Variants in HS6ST3 observed in about 807,000 individuals in gnomAD.
HS6ST3 encodes heparan-sulfate 6-O-sulfotransferase 3.
Under a neutral mutation model 36.7 loss-of-function variants are expected in HS6ST3, and 12 were observed. That is an observed-to-expected ratio of 0.33 (90% CI 0.21 to 0.53). HS6ST3 has a LOEUF of 0.53. Among genes scored for constraint, HS6ST3 ranks in the 20% least tolerant of loss-of-function variants. The probability of loss-of-function intolerance (pLI) is 0.95; values close to 1 mark genes in which losing one functional copy is unlikely to be tolerated. For synonymous variants in HS6ST3, 240 were observed against 257.5 expected (o/e 0.93, Z 0.65); for missense variants, 584 against 640.9 (o/e 0.91, Z 0.96).
chr13:96,817,095 C>A (rs555204050), intron 1 of HS6ST3, among the ~76,000 whole-genome samples: 3 of 152,192 alleles, frequency 2.0e-5, no homozygotes, highest in Admixed American at 6.5e-5. Flanking sequence ...ACCTCCAGAA[C>A]TAATGGCTGT....
chr13:96,274,893 A>ACT (rs991081499), intron 1 of HS6ST3, among the ~76,000 whole-genome samples: 6 of 132,304 alleles, frequency 4.5e-5, no homozygotes, highest in Non-Finnish European at 6.4e-5. Context: ...ACACACACAC[A>ACT]CTGAAGAATT....
intron 1 of HS6ST3, among the ~76,000 whole-genome samples, chr13:96,351,335 T>TTTTTTTTTTTTTTTTTTTTTTAAAAA (rs1203595829): frequency 6.8e-6 from 1 of 146,366 alleles, no homozygotes; most frequent in African/African-American, 2.6e-5. Flanking sequence ...TTTTTTTTTT[T>TTTTTTTTTTTTTTTTTTTTTTAAAAA]AAAAAAAACA....
chr13:96,266,041 G>T (rs1357488834), intron 1 of HS6ST3, among the ~76,000 whole-genome samples: 1 of 151,532 alleles, frequency 6.6e-6, no homozygotes, highest in Non-Finnish European at 1.5e-5. Context: ...GCTCTTGCAG[G>T]GTTATTTTTT....
At chr13:96,346,345 T>G (rs6491286) in intron 1 of HS6ST3, among the ~76,000 whole-genome samples, 3 of 151,884 alleles carry the variant, frequency 2.0e-5, no homozygotes, top group Non-Finnish European at 4.4e-5. Flanking sequence ...GAGGCCAAGG[T>G]GGGCGGATCA....
At chr13:96,511,324 C>T (rs1342848022) in intron 1 of HS6ST3, among the ~76,000 whole-genome samples, 1 of 152,062 alleles carries the variant, frequency 6.6e-6, no homozygotes, top group African/African-American at 2.4e-5. Context: ...CTAATAGCTA[C>T]TTTATGCTCC....
At chr13:96,408,558 C>G (rs1328959420) in intron 1 of HS6ST3, among the ~76,000 whole-genome samples, 1 of 152,106 alleles carries the variant, frequency 6.6e-6, no homozygotes, top group Non-Finnish European at 1.5e-5. Context: ...TAGCTCTGAT[C>G]CTGAGAAGAA....
chr13:96,396,294 C>A (rs1217757350), intron 1 of HS6ST3, among the ~76,000 whole-genome samples: 1 of 151,850 alleles, frequency 6.6e-6, no homozygotes, highest in Non-Finnish European at 1.5e-5. Flanking sequence ...AGCCTGGGTG[C>A]CAGGGGGAGA....
chr13:96,321,177 G>A lies in HS6ST3; in HGVS notation c.707+229608G>A, dbSNP rs200981517. Among the ~76,000 whole-genome samples, 5 of 151,948 alleles carry A rather than the reference G, an allele frequency of 3.3e-5. No individual in the cohort carries two copies. In the East Asian group the frequency reaches 5.8e-4, roughly 18 times the overall value. The stretch of plus-strand genomic sequence containing the variant: ...TCTTTCAGCTTATACGAAGACAATA[G>A]GATATTTAAAAATGTGCTTCAGTCT... On this transcript the variant is annotated intron_variant, in intron 1 of 1. Coordinates refer to ENST00000376705, the MANE Select transcript of HS6ST3 (RefSeq NM_153456.4).
chr13:96,362,951 A>G (rs1019597067), intron 1 of HS6ST3, among the ~76,000 whole-genome samples: 11 of 152,184 alleles, frequency 7.2e-5, no homozygotes, highest in African/African-American at 2.2e-4. Flanking sequence ...TTTATAAGAC[A>G]TTCTTGAAAT....
intron 1 of HS6ST3, among the ~76,000 whole-genome samples, chr13:96,600,853 T>A (rs2138982072): frequency 6.6e-6 from 1 of 152,282 alleles, no homozygotes; most frequent in East Asian, 1.9e-4. Flanking sequence ...CTTATCAGGC[T>A]GGTCTAGTGG....
intron 1 of HS6ST3, among the ~76,000 whole-genome samples, chr13:96,598,470 T>C (rs2056409944): frequency 6.6e-6 from 1 of 152,112 alleles, no homozygotes; most frequent in Non-Finnish European, 1.5e-5. Context: ...TGATTTAATT[T>C]TCATCTTGGC....
chr13:96,380,011 C>T (rs960243906), intron 1 of HS6ST3, among the ~76,000 whole-genome samples: 1 of 152,148 alleles, frequency 6.6e-6, no homozygotes, highest in Non-Finnish European at 1.5e-5. Flanking sequence ...AGTTTTATAA[C>T]TAAAACTGCT....
chr13:96,618,435 T>C (rs973493164), intron 1 of HS6ST3, among the ~76,000 whole-genome samples: 3 of 152,160 alleles, frequency 2.0e-5, no homozygotes, highest in Non-Finnish European at 4.4e-5. Flanking sequence ...TTTACCTTTC[T>C]GGGCCATTGT....
In HS6ST3 at chr13:96,781,811, A is replaced by G. The variant is rs138785702; in HGVS notation, c.708-50679A>G. ...CAAATCTTGTTTCCAAGAGATGATC[A>G]TGTTTAGCTAAAATTGCTTCCACTT... On this transcript the variant is annotated intron_variant, in intron 1 of 1. Transcript: ENST00000376705. Among the ~76,000 whole-genome samples, 113 of 152,322 alleles carry G rather than the reference A, an allele frequency of 7.4e-4. 1 individual carries two copies. In the East Asian group the frequency reaches 7.9e-3, roughly 11 times the overall value.
chr13:96,205,309 A>G (rs895366621), intron 1 of HS6ST3, among the ~76,000 whole-genome samples: 2 of 152,164 alleles, frequency 1.3e-5, no homozygotes, highest in Non-Finnish European at 2.9e-5. Flanking sequence ...GACCAGTAAC[A>G]AATTCTGAAA....
chr13:96,713,445 A>T (rs564739738), intron 1 of HS6ST3, among the ~76,000 whole-genome samples: 1 of 152,346 alleles, frequency 6.6e-6, no homozygotes, highest in Admixed American at 6.5e-5. Flanking sequence ...TTACCTGGCA[A>T]GGCTTAATGG....
chr13:96,738,931 C>T (rs1876359261), intron 1 of HS6ST3, among the ~76,000 whole-genome samples: 1 of 152,174 alleles, frequency 6.6e-6, no homozygotes, highest in Non-Finnish European at 1.5e-5. Context: ...GCTTTCTATA[C>T]CTAAATCCAT....
intron 1 of HS6ST3, among the ~76,000 whole-genome samples, chr13:96,274,183 TG>T (rs2054736454): frequency 6.6e-6 from 1 of 151,722 alleles, no homozygotes; most frequent in South Asian, 2.1e-4. Context: ...GTATAAAATA[TG>T]GCCACTAGCA....
intron 1 of HS6ST3, among the ~76,000 whole-genome samples, chr13:96,646,666 T>C (rs1163641846): frequency 6.6e-6 from 1 of 151,936 alleles, no homozygotes; most frequent in African/African-American, 2.4e-5. Context: ...TTTGAGACTT[T>C]CTCATCCCTT....
Sources: allele counts gnomAD v4.1 joint callset (sites outside exome capture counted in the v4.1 genomes callset), GRCh38; gene constraint gnomAD v4.1.1; transcripts MANE v1.5; gene names NCBI Gene and HGNC (gene_info 2026-07-23, HGNC 2026-07-21).